Variants in PPP1R3A observed in about 807,000 individuals in gnomAD.
PPP1R3A encodes the protein RG1.
Under a neutral mutation model 41.7 loss-of-function variants are expected in PPP1R3A, and 29 were observed. That is an observed-to-expected ratio of 0.70 (90% CI 0.52 to 0.95). PPP1R3A has a LOEUF of 0.95. Among genes scored for constraint, PPP1R3A ranks in the 40% least tolerant of loss-of-function variants. The pLI is 0.00. For missense variants in PPP1R3A, 1,352 were observed against 1,292.4 expected (o/e 1.05, Z -0.71); for synonymous variants, 485 against 453.4 (o/e 1.07, Z -0.89).
At chr7:113,906,576 G>A (rs1447731505) in intron 1 of PPP1R3A, among the ~76,000 whole-genome samples, 1 of 151,734 alleles carries the variant, frequency 6.6e-6, no homozygotes, top group Non-Finnish European at 1.5e-5. Context: ...AGATCCAGAT[G>A]GAGATGTATA....
At position 113,918,380 on chromosome 7, in the gene PPP1R3A, T is replaced by A. The variant is rs1797376212; in HGVS notation, c.617A>T (p.Glu206Val). Residue 206 changes from glutamate (E) to valine (V), a missense_variant, in exon 1 of 4, where the codon GAG becomes GTG. Glu to Val is a moderately radical substitution (Grantham distance 121). Transcript: ENST00000284601. The stretch of plus-strand genomic sequence containing the variant: ...AGAAGTTTCATAACGTATACAAAAC[T>A]CAACTTTACTGCCATCTTTTTGATA... ...PPYQKDGSKV[E>V]FCIRYETSVG... is the part of the protein sequence containing the mutation. 6.2e-7 allele frequency: 1 copy of A among 1,613,494 alleles called. No individual in the cohort carries two copies. Among genetic ancestry groups the A allele is most frequent in the East Asian group, 2.2e-5 (1 of 44,844 alleles).
chr7:113,918,283 C>T lies in PPP1R3A; in HGVS notation c.714G>A (p.Pro238=), dbSNP rs557887098. 103 of 1,611,726 alleles carry T rather than the reference C, an allele frequency of 6.4e-5. No homozygotes were observed. Among genetic ancestry groups the T allele is most frequent in the Admixed American group, 2.0e-4 (12 of 59,658 alleles). Residue 238 remains proline (P), a synonymous_variant, in exon 1 of 4, where the codon CCG becomes CCA. Coordinates refer to ENST00000284601, the MANE Select transcript of PPP1R3A (RefSeq NM_002711.4). ...CTTCTTTCCATGGTTTTACAGGCTCCGGCTCTTGTTCTTTCTTTTGACAAA... is the reference window on the plus strand; with the variant it reads ...CTTCTTTCCATGGTTTTACAGGCTCTGGCTCTTGTTCTTTCTTTTGACAAA... The part of the protein sequence containing the change: ...TFICQKKEQE[P]EPVKPWKEVP...
intron 1 of PPP1R3A, among the ~76,000 whole-genome samples, chr7:113,891,100 A>C (rs35422789): frequency 0.026 from 1,828 of 71,480 alleles, 14 homozygotes; most frequent in South Asian, 0.073. Flanking sequence ...AAAAAAAAAA[A>C]AAAAAAAAAA....
chr7:113,907,984 A>G (rs1466175314), intron 1 of PPP1R3A, among the ~76,000 whole-genome samples: 1 of 151,892 alleles, frequency 6.6e-6, no homozygotes, highest in Non-Finnish European at 1.5e-5. Context: ...CTCTAGAATT[A>G]GCTCTTTCAT....
intron 1 of PPP1R3A, among the ~76,000 whole-genome samples, chr7:113,914,241 C>T (rs1562927206): frequency 6.6e-6 from 1 of 152,056 alleles, no homozygotes; most frequent in Non-Finnish European, 1.5e-5. Context: ...CATCATGACC[C>T]TTATTTGACA....
At chr7:113,909,882 C>T (rs1797213843) in intron 1 of PPP1R3A, among the ~76,000 whole-genome samples, 2 of 151,996 alleles carry the variant, frequency 1.3e-5, no homozygotes, top group South Asian at 4.1e-4. Flanking sequence ...TATTGAAGAA[C>T]ATAATCTTCC....
At chr7:113,890,216 T>G (rs1235441566) in intron 1 of PPP1R3A, among the ~76,000 whole-genome samples, 1 of 152,148 alleles carries the variant, frequency 6.6e-6, no homozygotes. Flanking sequence ...ACCCAAACAG[T>G]GCCTCTCAAA....
At chr7:113,915,555 A>T (rs1278756909) in intron 1 of PPP1R3A, among the ~76,000 whole-genome samples, 5 of 148,894 alleles carry the variant, frequency 3.4e-5, no homozygotes, top group Non-Finnish European at 5.9e-5. Flanking sequence ...ATGTATATAC[A>T]TATATACATA....
At chr7:113,903,511 T>C (rs1427093924) in intron 1 of PPP1R3A, among the ~76,000 whole-genome samples, 5 of 151,708 alleles carry the variant, frequency 3.3e-5, no homozygotes, top group African/African-American at 9.7e-5. Flanking sequence ...GTAAGTATCA[T>C]GGTGTTCATA....
chr7:113,914,731 C>A (rs956372473), intron 1 of PPP1R3A, among the ~76,000 whole-genome samples: 1 of 152,088 alleles, frequency 6.6e-6, no homozygotes, highest in Non-Finnish European at 1.5e-5. Context: ...ATATGTATTA[C>A]TTCACCGAAA....
chr7:113,881,310 G>T (rs1187978977), intron 3 of PPP1R3A, among the ~76,000 whole-genome samples: 1 of 151,992 alleles, frequency 6.6e-6, no homozygotes, highest in Non-Finnish European at 1.5e-5. Flanking sequence ...AGATGATTAT[G>T]AATCCATGTA....
Position 113,880,018 on chromosome 7 carries a change from C to A in PPP1R3A, c.1074G>T (p.Lys358Asn). ...NFPNKAEGLE[K>N]KQIHGEICTD... ...TACATATTTCACCATGGATTTGCTT[C>A]TTCTCTAACCCCTCTGCTTTATTTG... The change falls in exon 4 of 4, where the codon AAG becomes AAT. Residue 358 changes from lysine (K) to asparagine (N), a missense_variant. Lys to Asn is a moderately conservative substitution (Grantham distance 94). Coordinates refer to ENST00000284601, the MANE Select transcript of PPP1R3A (RefSeq NM_002711.4). The A allele has an allele frequency of 6.2e-7, 1 of 1,612,074 alleles. No homozygotes were observed. The highest frequency in any genetic ancestry group is 8.5e-7 in the Non-Finnish European group (1 of 1,178,452).
chr7:113,892,116 G>A (rs1266453812), intron 1 of PPP1R3A, among the ~76,000 whole-genome samples: 2 of 151,960 alleles, frequency 1.3e-5, no homozygotes, highest in Non-Finnish European at 2.9e-5. Context: ...ATGATAAACA[G>A]CTAAAAAGTA....
At chr7:113,891,543 A>G (rs73716342) in intron 1 of PPP1R3A, among the ~76,000 whole-genome samples, 47,086 of 151,788 alleles carry the variant, frequency 0.31, 7,296 homozygotes, top group Admixed American at 0.38. Flanking sequence ...TCAAAGAAAA[A>G]TCATTAGATC....
At chr7:113,899,815 G>T (rs575091954) in intron 1 of PPP1R3A, among the ~76,000 whole-genome samples, 1 of 151,836 alleles carries the variant, frequency 6.6e-6, no homozygotes, top group African/African-American at 2.4e-5. Flanking sequence ...AGACGCACTG[G>T]TTTACACTGC....
intron 1 of PPP1R3A, among the ~76,000 whole-genome samples, chr7:113,900,003 T>C (rs2129118177): frequency 6.6e-6 from 1 of 151,924 alleles, no homozygotes; most frequent in Admixed American, 6.6e-5. Flanking sequence ...ACTAAGTCTA[T>C]AAAACAATTA....
intron 1 of PPP1R3A, among the ~76,000 whole-genome samples, chr7:113,883,172 T>C (rs1049818695): frequency 9.2e-5 from 14 of 152,176 alleles, no homozygotes; most frequent in African/African-American, 3.4e-4. Flanking sequence ...ACTTTGTGTA[T>C]AGTTATGTCA....
Position 113,879,121 on chromosome 7 carries a change from A to G in PPP1R3A, c.1971T>C (p.Asn657=). 1.2e-6 allele frequency: 2 copies of G among 1,613,768 alleles called. No individual in the cohort carries two copies. Among genetic ancestry groups the G allele is most frequent in the Non-Finnish European group, 1.7e-6 (2 of 1,179,814 alleles). The change falls in exon 4 of 4, where the codon AAT becomes AAC. Residue 657 remains asparagine (N), a synonymous_variant. Transcript: ENST00000284601. ...TTGATTTTCCCTGACTTTCCAGAACATTCCAACTTTGTTTATGCTGTGGGC... is the reference window on the plus strand; with the variant it reads ...TTGATTTTCCCTGACTTTCCAGAACGTTCCAACTTTGTTTATGCTGTGGGC... ...DNSPQHKQSW[N]VLESQGKSRE...
chr7:113,909,693 A>G (rs1054567524), intron 1 of PPP1R3A, among the ~76,000 whole-genome samples: 7 of 152,080 alleles, frequency 4.6e-5, no homozygotes, highest in Non-Finnish European at 1.0e-4. Context: ...AAAGTTATTG[A>G]GGTTATTTGA....
Sources: allele counts gnomAD v4.1 joint callset (sites outside exome capture counted in the v4.1 genomes callset), GRCh38; gene constraint gnomAD v4.1.1; transcripts MANE v1.5; gene names NCBI Gene and HGNC (gene_info 2026-07-23, HGNC 2026-07-21).